The following RNF111 variants were observed in gnomAD, a reference collection of about 807,000 sequenced individuals.
The protein encoded by RNF111 is E3 ubiquitin-protein ligase Arkadia.
RNF111 carries 17 observed loss-of-function variants against 95.1 expected under a neutral mutation model. That is an observed-to-expected ratio of 0.18 (90% CI 0.12 to 0.27). The LOEUF (loss-of-function observed/expected upper bound fraction) is 0.27, where lower values mean the gene tolerates loss of function less well. RNF111 is among the 10% of genes least tolerant of loss of function. The probability of loss-of-function intolerance (pLI) is 1.00; values close to 1 mark genes in which losing one functional copy is unlikely to be tolerated. For synonymous variants in RNF111, 440 were observed against 414.8 expected, an observed-to-expected ratio of 1.06 and a Z score of -0.74; for missense variants, 1,189 against 1,210.4, an observed-to-expected ratio of 0.98 and a Z score of 0.26.
chr15:58,999,496 C>T (rs1194638256), intron 1 of RNF111, among the ~76,000 whole-genome samples: 6 of 151,844 alleles, frequency 4.0e-5, no homozygotes, highest in Admixed American at 1.3e-4. Flanking sequence ...CCATCACACC[C>T]GGCTAATTTT....
intron 1 of RNF111, among the ~76,000 whole-genome samples, chr15:59,023,607 A>G (rs1277904879): frequency 2.0e-5 from 3 of 152,138 alleles, no homozygotes; most frequent in South Asian, 4.1e-4. Flanking sequence ...TATTGAGCTC[A>G]TTTGTCAGTG....
At chr15:58,999,404 C>T (rs1303971118) in intron 1 of RNF111, among the ~76,000 whole-genome samples, 1 of 152,108 alleles carries the variant, frequency 6.6e-6, no homozygotes, top group Non-Finnish European at 1.5e-5. Flanking sequence ...GGTGCAATCT[C>T]AGTTCACTGC....
chr15:59,008,642 C>T (rs772757327), intron 1 of RNF111, among the ~76,000 whole-genome samples: 94 of 152,196 alleles, frequency 6.2e-4, no homozygotes, highest in Non-Finnish European at 9.8e-4. Flanking sequence ...CCAATAGCCC[C>T]AGTGTTGATA....
chr15:59,081,616 A>C (rs73418826), intron 8 of RNF111, among the ~76,000 whole-genome samples: 3 of 151,966 alleles, frequency 2.0e-5, no homozygotes, highest in African/African-American at 7.3e-5. Context: ...CCAGTTGCTC[A>C]GGAGGCTAAG....
intron 7 of RNF111, 128 bp from the exon 8 acceptor site, chr15:59,080,808 T>A (rs1461574016): frequency 1.4e-6 from 1 of 735,946 alleles, no homozygotes; most frequent in African/African-American, 1.8e-5. Flanking sequence ...GCTTGAATAC[T>A]TTACTTGATA....
chr15:59,068,677 T>G lies in RNF111; in HGVS notation c.1686+1594T>G, dbSNP rs556952370. Among the ~76,000 whole-genome samples, 65 of 152,276 alleles carry G rather than the reference T, an allele frequency of 4.3e-4. 1 individual carries two copies. Among genetic ancestry groups the G allele is most frequent in the African/African-American group, 1.5e-3 (62 of 41,556 alleles). ...TAGGATTACAGGCATTAAGCCACCG[T>G]GCCCGGCCAAGCTACCACTTTTCTA... On this transcript the variant is annotated intron_variant, in intron 6 of 13. Transcript: ENST00000348370.
chr15:59,080,114 CTTTTTTTTTTTT>C (rs1194255542), intron 7 of RNF111, among the ~76,000 whole-genome samples: 15 of 85,474 alleles, frequency 1.8e-4, no homozygotes, highest in African/African-American at 5.7e-4. Flanking sequence ...TTGTGTGCTC[CTTTTTTTTTTTT>C]TTTTTTTTTT....
At chr15:59,024,047 G>A (rs2040478592) in intron 1 of RNF111, among the ~76,000 whole-genome samples, 1 of 152,074 alleles carries the variant, frequency 6.6e-6, no homozygotes. Context: ...TCTATGGTCA[G>A]TTTCTCTCTT....
intron 1 of RNF111, among the ~76,000 whole-genome samples, chr15:59,012,889 A>C (rs8029336): frequency 0.43 from 64,826 of 151,844 alleles, 14,326 homozygotes; most frequent in African/African-American, 0.55. Context: ...CAGGTGCCTG[A>C]CACCACACCT....
chr15:58,992,387 TGTG>T (rs1265364501), intron 1 of RNF111, among the ~76,000 whole-genome samples: 2 of 151,980 alleles, frequency 1.3e-5, no homozygotes, highest in African/African-American at 2.4e-5. Context: ...AACCAAAAAA[TGTG>T]GTGGAGGGAG....
At position 59,066,797 on chromosome 15, in the gene RNF111, C is replaced by T. The variant is rs111330212; in HGVS notation, c.1400C>T (p.Thr467Met). 817 of 1,613,842 alleles carry T rather than the reference C, an allele frequency of 5.1e-4. 4 individuals are homozygous for T. The highest frequency in any genetic ancestry group is 3.2e-4 in the Admixed American group (19 of 60,008). ...DSRRTTSSAV[T>M]ETGPPAMPRL... is the part of the protein sequence containing the mutation. Reference sequence around the variant, plus strand: ...AGGAGAACTACATCTAGTGCTGTAACGGAAACTGGCCCTCCTGCAATGCCA... The same window carrying T: ...AGGAGAACTACATCTAGTGCTGTAATGGAAACTGGCCCTCCTGCAATGCCA... The change falls in exon 6 of 14, where the codon ACG becomes ATG. Residue 467 changes from threonine (T) to methionine (M), a missense_variant. Transcript: ENST00000348370.
chr15:59,060,519 C>T (rs1324586483), intron 5 of RNF111, among the ~76,000 whole-genome samples: 1 of 152,070 alleles, frequency 6.6e-6, no homozygotes, highest in African/African-American at 2.4e-5. Flanking sequence ...ACCTTTAGTG[C>T]CAGCTACTCA....
chr15:59,071,617 C>T (rs1246219338), intron 6 of RNF111, among the ~76,000 whole-genome samples: 2 of 151,632 alleles, frequency 1.3e-5, no homozygotes, highest in Non-Finnish European at 2.9e-5. Flanking sequence ...ATCGCTTGAG[C>T]CTAGGAGGTG....
At chr15:59,021,685 G>A (rs931785941) in intron 1 of RNF111, among the ~76,000 whole-genome samples, 23 of 152,138 alleles carry the variant, frequency 1.5e-4, no homozygotes, top group African/African-American at 5.3e-4. Flanking sequence ...CTATGGCCAA[G>A]ATTACATAGG....
chr15:59,081,379 A>G (rs1206502937), intron 8 of RNF111, 95 bp downstream of exon 8: 3 of 1,069,002 alleles, frequency 2.8e-6, no homozygotes, highest in African/African-American at 1.6e-5. Flanking sequence ...GCATGGTGGC[A>G]TGCACTTGTA....
intron 1 of RNF111, among the ~76,000 whole-genome samples, chr15:58,991,606 C>T (rs1726645403): frequency 1.3e-5 from 2 of 152,144 alleles, no homozygotes; most frequent in African/African-American, 2.4e-5. Context: ...GTAATTTGAC[C>T]TGTGACTTCA....
intron 1 of RNF111, among the ~76,000 whole-genome samples, chr15:59,010,648 C>T (rs1418917234): frequency 6.6e-6 from 1 of 152,088 alleles, no homozygotes; most frequent in Non-Finnish European, 1.5e-5. Context: ...GTGATCTGCC[C>T]ACTTTGGCCT....
chr15:58,992,015 G>A (rs1596009550), intron 1 of RNF111, among the ~76,000 whole-genome samples: 1 of 152,102 alleles, frequency 6.6e-6, no homozygotes, highest in Non-Finnish European at 1.5e-5. Context: ...GAGGAATGAG[G>A]GAGAAAACTT....
At chr15:59,072,612 G>A (rs1023564139) in intron 6 of RNF111, among the ~76,000 whole-genome samples, 1 of 151,552 alleles carries the variant, frequency 6.6e-6, no homozygotes, top group African/African-American at 2.4e-5. Context: ...CACCACGCCT[G>A]GCTAATTTTT....
Sources: allele counts gnomAD v4.1 joint callset (sites outside exome capture counted in the v4.1 genomes callset), GRCh38; gene constraint gnomAD v4.1.1; transcripts MANE v1.5; gene names NCBI Gene and HGNC (gene_info 2026-07-23, HGNC 2026-07-21).